ERI1: variants seen among roughly 807,000 people sequenced by gnomAD.
ERI1 encodes the protein 3'-5' exoribonuclease 1.
ERI1 carries 39 observed loss-of-function variants against 39.7 expected under a neutral mutation model. That is an observed-to-expected ratio of 0.98 (90% CI 0.76 to 1.28). The LOEUF (loss-of-function observed/expected upper bound fraction) is 1.28. ERI1 is among the 50% of genes most tolerant of loss of function. ERI1 has a pLI of 0.00. For missense variants in ERI1, 581 were observed against 416.9 expected (o/e 1.39, Z -3.43); for synonymous variants, 204 against 149.6 (o/e 1.36, Z -2.65).
Position 9,030,013 on chromosome 8 carries a change from A to G in ERI1, c.1029A>G (p.Gln343=), listed in dbSNP as rs776340943. The G allele has an allele frequency of 1.6e-5, 25 of 1,603,870 alleles. No homozygotes were observed. The South Asian group carries it at 2.2e-4, about 14-fold the overall frequency. Residue 343 remains glutamine (Q), a synonymous_variant, in exon 7 of 7, where the codon CAA becomes CAG. Coordinates refer to ENST00000250263, the MANE Select transcript of ERI1 (RefSeq NM_153332.4). ...SLPIEGTPPP[Q]MPHFRK ...CAATAGAGGGCACTCCACCACCACA[A>G]ATGCCACATTTTAGAAAGTAACAAC...
chr8:9,062,338 A>G (rs1008415214), intron 3 of ERI1, among the ~76,000 whole-genome samples: 3 of 151,936 alleles, frequency 2.0e-5, no homozygotes, highest in African/African-American at 4.8e-5. Context: ...ACTGGGGAAA[A>G]GGGCAGCAAT....
At chr8:9,021,774 GTT>G (rs200507835) in intron 6 of ERI1, among the ~76,000 whole-genome samples, 25 of 88,288 alleles carry the variant, frequency 2.8e-4, no homozygotes, top group African/African-American at 9.3e-4. Context: ...TGTTTTTTTT[GTT>G]TTTTTTTTTT....
intron 3 of ERI1, among the ~76,000 whole-genome samples, chr8:9,085,527 A>G (rs947332278): frequency 6.6e-6 from 1 of 151,846 alleles, no homozygotes; most frequent in Admixed American, 6.6e-5. Flanking sequence ...TTTTTTATAA[A>G]TAAATTTTTA....
At chr8:9,054,751 C>T (rs746442299) in intron 3 of ERI1, among the ~76,000 whole-genome samples, 2 of 152,184 alleles carry the variant, frequency 1.3e-5, no homozygotes, top group African/African-American at 4.8e-5. Flanking sequence ...ATGACAAAAC[C>T]CCATTTCTAC....
At chr8:9,044,695 G>A (rs1475954678) in intron 3 of ERI1, among the ~76,000 whole-genome samples, 1 of 152,008 alleles carries the variant, frequency 6.6e-6, no homozygotes, top group Admixed American at 6.6e-5. Flanking sequence ...CGTTTACCAA[G>A]CAGCAGACAC....
chr8:9,059,996 C>T (rs1370189492), intron 3 of ERI1, among the ~76,000 whole-genome samples: 2 of 152,178 alleles, frequency 1.3e-5, no homozygotes, highest in African/African-American at 4.8e-5. Flanking sequence ...ATTCCGAGGA[C>T]AGGCCTGAAT....
intron 3 of ERI1, among the ~76,000 whole-genome samples, chr8:9,086,464 C>A (rs1311351416): frequency 6.6e-6 from 1 of 152,262 alleles, no homozygotes; most frequent in East Asian, 1.9e-4. Context: ...GTGGGAGGAT[C>A]TCTTGAGCCA....
chr8:9,053,432 G>A (rs1223255087), intron 3 of ERI1, among the ~76,000 whole-genome samples: 1 of 152,184 alleles, frequency 6.6e-6, no homozygotes, highest in African/African-American at 2.4e-5. Flanking sequence ...TGGGAGGATG[G>A]CATGCCCAGA....
At chr8:9,048,009 G>C (rs1474798187) in intron 3 of ERI1, among the ~76,000 whole-genome samples, 4 of 152,188 alleles carry the variant, frequency 2.6e-5, no homozygotes, top group African/African-American at 7.2e-5. Context: ...TCTTGTCCAA[G>C]GCCACAAAGC....
At chr8:9,016,833 G>C (rs113477861) in intron 4 of ERI1, among the ~76,000 whole-genome samples, 1 of 150,668 alleles carries the variant, frequency 6.6e-6, no homozygotes, top group South Asian at 2.1e-4. Context: ...CTACAGGCGC[G>C]TTGCCACCAC....
intron 3 of ERI1, among the ~76,000 whole-genome samples, chr8:9,075,061 G>A (rs1053489886): frequency 6.6e-6 from 1 of 152,264 alleles, no homozygotes. Flanking sequence ...GGCCCTATAT[G>A]GCCAAGATTC....
intron 3 of ERI1, among the ~76,000 whole-genome samples, chr8:9,015,453 A>G (rs561093602): frequency 6.6e-6 from 1 of 152,250 alleles, no homozygotes; most frequent in African/African-American, 2.4e-5. Flanking sequence ...GAGCCTGATA[A>G]CAATACTGGC....
At chr8:9,076,088 C>T (rs971094723) in intron 3 of ERI1, among the ~76,000 whole-genome samples, 27 of 152,088 alleles carry the variant, frequency 1.8e-4, no homozygotes, top group Non-Finnish European at 3.2e-4. Context: ...GAGTGTATTC[C>T]TCCATGCCCA....
chr8:9,003,276 C>T (rs1815569935), intron 1 of ERI1, 105 bp downstream of exon 1: 5 of 637,628 alleles, frequency 7.8e-6, no homozygotes, highest in Non-Finnish European at 2.2e-6. Flanking sequence ...TGCAGCTGTG[C>T]GCCCTTGGAC....
At chr8:9,024,117 C>T (rs1245442329) in intron 6 of ERI1, among the ~76,000 whole-genome samples, 1 of 152,076 alleles carries the variant, frequency 6.6e-6, no homozygotes, top group Non-Finnish European at 1.5e-5. Flanking sequence ...ACCTTCTATC[C>T]AGTCTTTCTT....
Position 9,029,777 on chromosome 8 carries a change from C to A in ERI1, c.808-15C>A. On this transcript the variant is annotated splice_polypyrimidine_tract_variant and intron_variant, in intron 6 of 6. Coordinates refer to ENST00000250263, the MANE Select transcript of ERI1 (RefSeq NM_153332.4). ...GAACACCAAAGAATTATTTACTAAG[C>A]TGTTTATTTTTCAGGTTCCTAGAAG... The A allele has an allele frequency of 6.2e-7, 1 of 1,613,726 alleles. No individual in the cohort carries two copies. Among genetic ancestry groups the A allele is most frequent in the Non-Finnish European group, 8.5e-7 (1 of 1,179,722 alleles).
chr8:9,027,711 C>G (rs1465388516), intron 6 of ERI1, among the ~76,000 whole-genome samples: 1 of 152,042 alleles, frequency 6.6e-6, no homozygotes. Context: ...TTCAGTTTTC[C>G]CAACACCGTT....
downstream of ERI1, among the ~76,000 whole-genome samples, chr8:9,036,185 G>T (rs1326043368): frequency 6.6e-6 from 1 of 152,250 alleles, no homozygotes; most frequent in African/African-American, 2.4e-5. Flanking sequence ...TGATAAACCA[G>T]TGGCGTGGTT....
intron 3 of ERI1, chr8:9,099,897 A>T (rs1292386348): frequency 6.6e-6 from 1 of 152,184 alleles, no homozygotes; most frequent in Non-Finnish European, 1.5e-5. Context: ...GTGGCAAACT[A>T]CCAGTTCTGT....
Sources: gnomAD v4.1 joint callset for allele counts (sites outside exome capture counted in the v4.1 genomes callset) on GRCh38, gnomAD v4.1.1 for gene constraint, MANE v1.5 for transcripts, NCBI Gene and HGNC (gene_info 2026-07-23, HGNC 2026-07-21) for gene names.